Variants in CELSR2 observed in about 807,000 individuals in gnomAD.
CELSR2 encodes the protein cadherin EGF LAG seven-pass G-type receptor 2.
Under a neutral mutation model 251.6 loss-of-function variants are expected in CELSR2, and 81 were observed. The observed-to-expected ratio is 0.32, with a 90% confidence interval of 0.27 to 0.39. The LOEUF (loss-of-function observed/expected upper bound fraction) is 0.39. Ranked by LOEUF, CELSR2 falls within the 10% of genes least tolerant of loss-of-function variation. CELSR2 has a pLI of 1.00. For synonymous variants in CELSR2, 1,721 were observed against 1,670.5 expected (o/e 1.03, Z -0.74); for missense variants, 3,365 against 3,947.7 (o/e 0.85, Z 3.96).
rs753612558 is a variant in CELSR2 at position 109,250,411 on chromosome 1, C to G, written c.332C>G (p.Pro111Arg). 1.9e-6 allele frequency: 3 copies of G among 1,613,518 alleles called. No homozygotes were observed. The highest frequency in any genetic ancestry group is 2.7e-5 in the African/African-American group (2 of 74,942). The change falls in exon 1 of 34, where the codon CCC (proline) becomes CGC (arginine). Residue 111 changes from proline (P) to arginine (R), a missense_variant. Physicochemically the swap from Pro to Arg is moderately radical, Grantham distance 103. Coordinates refer to ENST00000271332, the MANE Select transcript of CELSR2 (RefSeq NM_001408.3). The surrounding 1 kb of genome is among the most constrained non-coding windows in gnomAD (Gnocchi z 4.4). Reference sequence around the variant, plus strand: ...CTACCACCAGCTCCTGAAGGCTGCCCCTGGAGCTGTCGCCTCCTGGGCATT... The same window carrying G: ...CTACCACCAGCTCCTGAAGGCTGCCGCTGGAGCTGTCGCCTCCTGGGCATT... ...IPLPPAPEGC[P>R]WSCRLLGIGG... is the part of the protein sequence containing the mutation.
intron 2 of CELSR2, 43 bp from the exon 3 acceptor site, chr1:109,260,999 G>A: frequency 2.0e-6 from 3 of 1,497,732 alleles, no homozygotes; most frequent in Non-Finnish European, 2.8e-6. Flanking sequence ...TTCCCCTCCT[G>A]TCCTCAGGTA....
At position 109,258,679 on chromosome 1, in the gene CELSR2, G is replaced by A. The variant is rs748239280; in HGVS notation, c.3558G>A (p.Ser1186=). Residue 1186 remains serine (S), a synonymous_variant, in exon 2 of 34, where the codon TCG becomes TCA. Transcript: ENST00000271332. The stretch of plus-strand genomic sequence containing the variant: ...GCCACATCCTCAACGTGAGCCTGTC[G>A]GTGGGCCAGCCGCCAGGGCCCGGGG... ...PGGHILNVSL[S]VGQPPGPGGG... 2 of 1,548,354 alleles carry A rather than the reference G, an allele frequency of 1.3e-6. No individual in the cohort carries two copies. Among genetic ancestry groups the A allele is most frequent in the South Asian group, 1.2e-5 (1 of 84,308 alleles).
Position 109,269,569 on chromosome 1 carries a change from G to A in CELSR2, c.6958G>A (p.Val2320Ile). 6.2e-7 allele frequency: 1 copy of A among 1,614,134 alleles called. No homozygotes were observed. Among genetic ancestry groups the A allele is most frequent in the Non-Finnish European group, 8.5e-7 (1 of 1,180,022 alleles). Residue 2320 changes from valine to isoleucine, a missense_variant, in exon 21 of 34, where the codon GTC becomes ATC. This residue lies in a region of CELSR2 where 2,093 missense variants were observed against 2,382.8 expected (regional missense o/e 0.88). Coordinates refer to ENST00000271332, the MANE Select transcript of CELSR2 (RefSeq NM_001408.3). This position sits in a 1 kb window ranked among gnomAD's most constrained non-coding sequence, Gnocchi z 6.4. ...AGAGGAGCGGACCAAGCCCATCTGTGTCTTCTGGAACCATTCAATCCTGTG... is the reference window on the plus strand; with the variant it reads ...AGAGGAGCGGACCAAGCCCATCTGTATCTTCTGGAACCATTCAATCCTGTG... Reference protein sequence around the residue: ...ETEERTKPICVFWNHSILVSG... With the variant: ...ETEERTKPICIFWNHSILVSG...
intron 30 of CELSR2, 48 bp downstream of exon 30, chr1:109,272,776 T>C (rs781474645): frequency 6.2e-7 from 1 of 1,613,070 alleles, no homozygotes; most frequent in South Asian, 1.1e-5. Context: ...TGGCTGGCTT[T>C]TACTGAAGGT....
chr1:109,258,889 C>T lies in CELSR2; in HGVS notation c.3768C>T (p.Ile1256=), dbSNP rs1251636153. The part of the protein sequence containing the change: ...VLRFDSSAPF[I]ASSSVLFRPI... ...GCTTCGACTCCTCCGCGCCCTTCAT[C>T]GCCTCCTCCTCCGTGCTCTTCCGGC... Residue 1256 remains isoleucine, a synonymous_variant, in exon 2 of 34, where the codon ATC becomes ATT. Coordinates refer to ENST00000271332, the MANE Select transcript of CELSR2 (RefSeq NM_001408.3). 1 of 1,612,418 alleles carries T rather than the reference C, an allele frequency of 6.2e-7. No homozygotes were observed. Among genetic ancestry groups the T allele is most frequent in the Non-Finnish European group, 8.5e-7 (1 of 1,179,390 alleles).
At chr1:109,272,176 T>C (rs1300314020) in intron 28 of CELSR2, 102 bp from the exon 29 acceptor site, 4 of 1,411,002 alleles carry the variant, frequency 2.8e-6, no homozygotes, top group Non-Finnish European at 3.8e-6. Context: ...CCTGAGCATG[T>C]GGAAGGTGGA....
Position 109,257,098 on chromosome 1 carries a change from T to TA in CELSR2, c.3311-1332dup, listed in dbSNP as rs1208746585. ...TGAATATGCCAGTAGCTCATGCCTG[T>TA]AATCCCAGTGCTCTAGAAGGCTGAG... On this transcript the variant is annotated intron_variant, in intron 1 of 33. Transcript: ENST00000271332. 6.6e-5 allele frequency among the ~76,000 whole-genome samples: 10 copies of TA among 152,334 alleles called. No homozygotes were observed. In the East Asian group the frequency reaches 1.9e-3, roughly 29 times the overall value.
At chr1:109,270,309 C>A in intron 23 of CELSR2, 117 bp from the exon 24 acceptor site, 1 of 1,349,824 alleles carries the variant, frequency 7.4e-7, no homozygotes, top group Non-Finnish European at 1.0e-6. Context: ...TGCCTCTGGC[C>A]CAGGCTTCCC....
In CELSR2 at chr1:109,265,097, T is replaced by A. The variant is rs560153085; in HGVS notation, c.5606+88T>A. On this transcript the variant is annotated intron_variant, in intron 12 of 33. Transcript: ENST00000271332. The stretch of plus-strand genomic sequence containing the variant: ...CTCAGAGCCCCGAAAGCCTGGCTGA[T>A]CCACAGCCAGGGTCAGAAGGGCCAC... 245 of 1,595,238 alleles carry A rather than the reference T, an allele frequency of 1.5e-4. 1 individual carries two copies. In the South Asian group the frequency reaches 2.3e-3, roughly 15 times the overall value.
At chr1:109,267,416 C>T in intron 15 of CELSR2, 132 bp from the exon 16 acceptor site, 2 of 738,604 alleles carry the variant, frequency 2.7e-6, no homozygotes, top group East Asian at 2.6e-5. Flanking sequence ...CTTCCTGTTT[C>T]ACCAGGGCCC....
intron 13 of CELSR2, 36 bp from the exon 14 acceptor site, chr1:109,265,699 C>G: frequency 6.3e-7 from 1 of 1,588,358 alleles, no homozygotes; most frequent in South Asian, 1.1e-5. Flanking sequence ...GGGAAGAGAG[C>G]CTGGCCAGTG....
In CELSR2 at chr1:109,258,763, C is replaced by A; in HGVS notation, c.3642C>A (p.Ser1214Arg). The A allele has an allele frequency of 1.3e-6, 2 of 1,591,548 alleles. No individual in the cohort carries two copies. The highest frequency in any genetic ancestry group is 1.7e-6 in the Non-Finnish European group (2 of 1,169,404). The change falls in exon 2 of 34, where the codon AGC (serine) becomes AGA (arginine). Residue 1214 changes from serine (S) to arginine (R), a missense_variant. Ser to Arg is a moderately radical substitution (Grantham distance 110). Coordinates refer to ENST00000271332, the MANE Select transcript of CELSR2 (RefSeq NM_001408.3). ...DLQERLYLNR[S>R]LLTAISAQRV... The stretch of plus-strand genomic sequence containing the variant: ...AGGAGCGCCTATACCTCAACCGCAG[C>A]CTGCTGACGGCCATCTCGGCACAGC...
At chr1:109,266,653 C>T (rs1557734605) in intron 15 of CELSR2, among the ~76,000 whole-genome samples, 1 of 146,724 alleles carries the variant, frequency 6.8e-6, no homozygotes, top group Admixed American at 6.9e-5. Flanking sequence ...CCTCATGATC[C>T]GCCTGCCTCG....
Position 109,269,031 on chromosome 1 carries a change from G to A in CELSR2, c.6631+23G>A. 1 of 1,604,570 alleles carries A rather than the reference G, an allele frequency of 6.2e-7. No individual in the cohort carries two copies. The highest frequency in any genetic ancestry group is 8.5e-7 in the Non-Finnish European group (1 of 1,172,896). ...GAGGTCAGTGGTGGCCATGGATTGA[G>A]TTGGGAGCTGGACCCCAGTGTCTGT... On this transcript the variant is annotated intron_variant, in intron 19 of 33. Transcript: ENST00000271332. This position sits in a 1 kb window ranked among gnomAD's most constrained non-coding sequence, Gnocchi z 6.4.
chr1:109,262,381 G>A lies in CELSR2; in HGVS notation c.4481G>A (p.Arg1494His), dbSNP rs780321772. 3.4e-5 allele frequency: 55 copies of A among 1,614,092 alleles called. No individual in the cohort carries two copies. Among genetic ancestry groups the A allele is most frequent in the East Asian group, 6.7e-5 (3 of 44,902 alleles). Residue 1494 changes from arginine (R) to histidine (H), a missense_variant, in exon 6 of 34, where the codon CGC becomes CAC. Physicochemically the swap from Arg to His is conservative, Grantham distance 29 (BLOSUM62 0). Transcript: ENST00000271332. ...VDGCDTGVAL[R>H]FGSVLGNYSC... is the part of the protein sequence containing the mutation. ...GGCTGTGACACAGGAGTGGCCTTGCGCTTCGGATCTGTCCTGGGCAACTAC... is the reference window on the plus strand; with the variant it reads ...GGCTGTGACACAGGAGTGGCCTTGCACTTCGGATCTGTCCTGGGCAACTAC...
chr1:109,257,610 G>T (rs1655894777), intron 1 of CELSR2, among the ~76,000 whole-genome samples: 1 of 152,194 alleles, frequency 6.6e-6, no homozygotes, highest in South Asian at 2.1e-4. Flanking sequence ...AGCCAAGTGG[G>T]TGATGAGTAG....
chr1:109,265,587 A>C, intron 13 of CELSR2, 148 bp from the exon 14 acceptor site: 2 of 992,580 alleles, frequency 2.0e-6, no homozygotes, highest in Non-Finnish European at 2.9e-6. Context: ...TCAACTCCAA[A>C]GCATTGCTAG....
chr1:109,272,625 G>A lies in CELSR2; in HGVS notation c.8055-15G>A. On this transcript the variant is annotated splice_polypyrimidine_tract_variant and intron_variant, in intron 29 of 33. Transcript: ENST00000271332. ...GGGCCAGGCTGACCCCTCCAGCATG[G>A]TCTCATCTTCCTAGGGAGGAGTCCG... 6.2e-7 allele frequency: 1 copy of A among 1,610,762 alleles called. No individual in the cohort carries two copies. The highest frequency in any genetic ancestry group is 8.5e-7 in the Non-Finnish European group (1 of 1,177,720).
chr1:109,268,233 C>A (rs1656260607), intron 17 of CELSR2, among the ~76,000 whole-genome samples, 173 bp downstream of exon 17: 1 of 152,174 alleles, frequency 6.6e-6, no homozygotes, highest in Non-Finnish European at 1.5e-5. Flanking sequence ...CTCTTCCCAA[C>A]CCTTCTCATA....
Sources: allele counts gnomAD v4.1 joint callset (sites outside exome capture counted in the v4.1 genomes callset), GRCh38; gene constraint gnomAD v4.1.1; regional missense constraint gnomAD v4.1.1; non-coding constraint Gnocchi (gnomAD v3.1); transcripts MANE v1.5; gene names NCBI Gene and HGNC (gene_info 2026-07-23, HGNC 2026-07-21).